TNFSF4: variants seen among roughly 807,000 people sequenced by gnomAD.
The protein encoded by TNFSF4 is TNF superfamily member 4, also known as tumor necrosis factor ligand superfamily member 4.
In TNFSF4, 4 loss-of-function variants were observed where a neutral mutation model predicts 7.3. The observed-to-expected ratio is 0.55, with a 90% CI of 0.27 to 1.25. The LOEUF (loss-of-function observed/expected upper bound fraction) is 1.25, where lower values mean the gene tolerates loss of function less well. Ranked by LOEUF, TNFSF4 falls within the 50% of genes most tolerant of loss-of-function variation. The probability of loss-of-function intolerance (pLI) is 0.12; values close to 1 mark genes in which losing one functional copy is unlikely to be tolerated. For synonymous variants in TNFSF4, 76 were observed against 83.7 expected (o/e 0.91, Z 0.50); for missense variants, 181 against 208.8 (o/e 0.87, Z 0.82).
At chr1:173,328,561 C>A in the TNFSF4 span, among the ~76,000 whole-genome samples, 1 of 148,834 alleles carries the variant, frequency 6.7e-6, no homozygotes, top group African/African-American at 2.5e-5. Flanking sequence ...AAAGTTTACC[C>A]CCCCCCAAAA....
the TNFSF4 span, among the ~76,000 whole-genome samples, chr1:173,319,628 C>T: frequency 1.3e-5 from 2 of 152,152 alleles, no homozygotes; most frequent in South Asian, 2.1e-4. Context: ...ATCAAGCTGG[C>T]GCCCTTCTGG....
the TNFSF4 span, among the ~76,000 whole-genome samples, chr1:173,282,744 A>C: frequency 6.6e-6 from 1 of 152,326 alleles, no homozygotes; most frequent in Middle Eastern, 3.4e-3. Flanking sequence ...GGCGTGAGCT[A>C]CCACACTGGG....
At chr1:173,321,261 A>T in the TNFSF4 span, among the ~76,000 whole-genome samples, 1 of 152,244 alleles carries the variant, frequency 6.6e-6, no homozygotes, top group Non-Finnish European at 1.5e-5. Flanking sequence ...GTGTTGGGAA[A>T]ACTGGCTAGC....
chr1:173,250,625 A>T, the TNFSF4 span, among the ~76,000 whole-genome samples: 2 of 151,784 alleles, frequency 1.3e-5, no homozygotes, highest in Non-Finnish European at 2.9e-5. Context: ...ACGCCCGGCT[A>T]AGTTTTTGTA....
chr1:173,278,400 T>A, the TNFSF4 span, among the ~76,000 whole-genome samples: 4 of 152,110 alleles, frequency 2.6e-5, no homozygotes, highest in African/African-American at 9.7e-5. Flanking sequence ...GAAATATTTT[T>A]TCTTCTTCTC....
chr1:173,225,435 A>G, the TNFSF4 span, among the ~76,000 whole-genome samples: 2 of 152,166 alleles, frequency 1.3e-5, no homozygotes, highest in African/African-American at 2.4e-5. Context: ...AACTTTTTAA[A>G]TGACCCCTTT....
chr1:173,186,361 A>C lies in TNFSF4; in HGVS notation c.*155T>G, dbSNP rs1429216796. On this transcript the variant is annotated 3_prime_UTR_variant, in exon 3 of 3. Transcript: ENST00000281834. ...ATAAAATAAGTTTTAAATATCCCTG[A>C]GGGGTGGGGGCGGGAGGGCCAGGAT... 4 of 467,152 alleles carry C rather than the reference A, an allele frequency of 8.6e-6. No individual in the cohort carries two copies. In the South Asian group the frequency reaches 1.0e-4, roughly 12 times the overall value. The allele number at this position is 467,152 out of a possible 1,614,324, so 28.9% of individuals were successfully genotyped here. A position where few individuals can be genotyped will look rare whatever the true frequency, so the allele number is the denominator to read the frequency against.
chr1:173,233,055 C>T, the TNFSF4 span, among the ~76,000 whole-genome samples: 1 of 152,112 alleles, frequency 6.6e-6, no homozygotes, highest in Non-Finnish European at 1.5e-5. Flanking sequence ...TGTTCGAACC[C>T]ATTGCAAAGA....
chr1:173,192,726 A>G (rs888164404), intron 1 of TNFSF4, among the ~76,000 whole-genome samples: 1 of 152,242 alleles, frequency 6.6e-6, no homozygotes, highest in African/African-American at 2.4e-5. Flanking sequence ...TTATACTGCC[A>G]GTGAATACAA....
chr1:173,330,322 T>C, the TNFSF4 span, among the ~76,000 whole-genome samples: 1 of 150,932 alleles, frequency 6.6e-6, no homozygotes, highest in African/African-American at 2.4e-5. Flanking sequence ...ACAATATTAA[T>C]GGTATATTAT....
chr1:173,330,048 G>C, the TNFSF4 span, among the ~76,000 whole-genome samples: 1 of 151,964 alleles, frequency 6.6e-6, no homozygotes, highest in East Asian at 1.9e-4. Flanking sequence ...AGGCCATAGG[G>C]GAGTAACACT....
the TNFSF4 span, among the ~76,000 whole-genome samples, chr1:173,294,530 C>T: frequency 6.6e-6 from 1 of 151,934 alleles, no homozygotes; most frequent in East Asian, 1.9e-4. Context: ...TCATTCATAC[C>T]CCAAACCTCC....
chr1:173,259,033 C>G, the TNFSF4 span, among the ~76,000 whole-genome samples: 1 of 152,154 alleles, frequency 6.6e-6, no homozygotes, highest in Non-Finnish European at 1.5e-5. Context: ...CCTATGCTTC[C>G]TAACTGGGTG....
chr1:173,343,589 T>C, the TNFSF4 span, among the ~76,000 whole-genome samples: 4 of 152,240 alleles, frequency 2.6e-5, no homozygotes, highest in African/African-American at 7.2e-5. Flanking sequence ...GCTCAGATTA[T>C]ACTTCTTCCA....
At chr1:173,382,976 C>A in the TNFSF4 span, among the ~76,000 whole-genome samples, 1 of 151,986 alleles carries the variant, frequency 6.6e-6, no homozygotes, top group Non-Finnish European at 1.5e-5. Context: ...AAATCAATGG[C>A]AATTATCTTT....
the TNFSF4 span, among the ~76,000 whole-genome samples, chr1:173,352,237 G>A: frequency 6.6e-6 from 1 of 152,176 alleles, no homozygotes; most frequent in East Asian, 1.9e-4. Flanking sequence ...ACACCTTACT[G>A]TTAACTTGTG....
chr1:173,205,525 T>A, intron 1 of TNFSF4: 3 of 1,384,478 alleles, frequency 2.2e-6, no homozygotes, highest in Non-Finnish European at 2.8e-6. Context: ...GTGCAATCAG[T>A]TAGCCTTGAA....
chr1:173,202,056 TAC>T (rs1649964969), intron 1 of TNFSF4, among the ~76,000 whole-genome samples: 6 of 147,986 alleles, frequency 4.1e-5, no homozygotes, highest in South Asian at 2.1e-4. Flanking sequence ...TATATATATA[TAC>T]ATATATATAT....
chr1:173,237,037 T>G, the TNFSF4 span, among the ~76,000 whole-genome samples: 5 of 152,166 alleles, frequency 3.3e-5, no homozygotes, highest in African/African-American at 1.2e-4. Context: ...GTTCTCATGG[T>G]AGTAAATAAG....
Sources: allele counts gnomAD v4.1 joint callset (sites outside exome capture counted in the v4.1 genomes callset), GRCh38; gene constraint gnomAD v4.1.1; transcripts MANE v1.5; gene names NCBI Gene and HGNC (gene_info 2026-07-23, HGNC 2026-07-21).